SH3BP4: variants seen among roughly 807,000 people sequenced by gnomAD.
SH3BP4 encodes SH3 domain-binding protein 4.
SH3BP4 carries 33 observed loss-of-function variants against 65.5 expected under a neutral mutation model. The ratio of observed to expected loss-of-function variants is 0.50; its 90% CI spans 0.38 to 0.67. SH3BP4 has a LOEUF of 0.67. Ranked by LOEUF, SH3BP4 falls within the 30% of genes least tolerant of loss-of-function variation. The pLI is 0.00. For synonymous variants in SH3BP4, 552 were observed against 545.5 expected, an observed-to-expected ratio of 1.01 and a Z score of -0.17; for missense variants, 1,134 against 1,261.4, an observed-to-expected ratio of 0.90 and a Z score of 1.53.
chr2:234,994,109 A>G (rs1291293942), intron 1 of SH3BP4, among the ~76,000 whole-genome samples: 2 of 152,044 alleles, frequency 1.3e-5, no homozygotes, highest in African/African-American at 2.4e-5. Context: ...CAGATTTTCT[A>G]TTACCTATTG....
chr2:235,038,919 GAT>G (rs759175291), intron 3 of SH3BP4, among the ~76,000 whole-genome samples: 6 of 152,178 alleles, frequency 3.9e-5, no homozygotes, highest in Non-Finnish European at 5.9e-5. Flanking sequence ...TATGGAAAAA[GAT>G]AACATTGGGG....
At chr2:234,953,718 C>T (rs1416145653) in intron 1 of SH3BP4, among the ~76,000 whole-genome samples, 1 of 152,168 alleles carries the variant, frequency 6.6e-6, no homozygotes, top group Non-Finnish European at 1.5e-5. Context: ...TTCCTCATTG[C>T]AGTGGTCATG....
Position 234,978,427 on chromosome 2 carries a change from AG to A in SH3BP4, c.-206-16874del, listed in dbSNP as rs1693240287. 6.6e-6 allele frequency among the ~76,000 whole-genome samples: 1 copy of A among 152,222 alleles called. No individual in the cohort carries two copies. Among genetic ancestry groups the A allele is most frequent in the Admixed American group, 6.5e-5 (1 of 15,286 alleles). On this transcript the variant is annotated intron_variant, in intron 1 of 5. Coordinates refer to ENST00000392011, the MANE Select transcript of SH3BP4 (RefSeq NM_014521.3). This position sits in a 1 kb window ranked among gnomAD's most constrained non-coding sequence, Gnocchi z 4.1. ...TCCTCACTGCAGTCACTGCGGGACC[AG>A]GTACTCTTTTCCTGCGCCCCACACT...
chr2:235,033,048 C>CG lies in SH3BP4; in HGVS notation c.-132-1821dup, dbSNP rs1189098560. Among the ~76,000 whole-genome samples, 2 of 152,142 alleles carry CG rather than the reference C, an allele frequency of 1.3e-5. No individual in the cohort carries two copies. Among genetic ancestry groups the CG allele is most frequent in the African/African-American group, 4.8e-5 (2 of 41,446 alleles). On this transcript the variant is annotated intron_variant, in intron 2 of 5. Coordinates refer to ENST00000392011, the MANE Select transcript of SH3BP4 (RefSeq NM_014521.3). The surrounding 1 kb of genome is among the most constrained non-coding windows in gnomAD (Gnocchi z 5.7). ...TCCTTACACTGCTGGGTAGGAGAGA[C>CG]GGCGGGGCTGGGCTCAGGTAGGTGT...
At chr2:234,982,503 C>G (rs751810684) in intron 1 of SH3BP4, among the ~76,000 whole-genome samples, 7 of 152,088 alleles carry the variant, frequency 4.6e-5, no homozygotes, top group Non-Finnish European at 8.8e-5. Flanking sequence ...CATCTTCTTC[C>G]CTGGGGAGCA....
At chr2:235,047,432 C>T (rs1398372249) in intron 4 of SH3BP4, among the ~76,000 whole-genome samples, 3 of 152,184 alleles carry the variant, frequency 2.0e-5, no homozygotes, top group Admixed American at 6.5e-5. Flanking sequence ...ACTGCGTGGT[C>T]GGTGGGCTCC....
chr2:234,990,913 A>AC (rs898993210), intron 1 of SH3BP4, among the ~76,000 whole-genome samples: 16 of 151,444 alleles, frequency 1.1e-4, no homozygotes, highest in Non-Finnish European at 1.9e-4. Context: ...TAGAAGCCTC[A>AC]CCCCCCATCT....
At position 235,038,292 on chromosome 2, in the gene SH3BP4, A is replaced by ATATAGTATATATAC. The variant is rs1695472520; in HGVS notation, c.119-2592_119-2591insGTATATATACTATA. On this transcript the variant is annotated intron_variant, in intron 3 of 5. Coordinates refer to ENST00000392011, the MANE Select transcript of SH3BP4 (RefSeq NM_014521.3). ...ATATATAATATATATTATATATAAT[A>ATATAGTATATATAC]TATATATTATATATATATATTATAT... Among the ~76,000 whole-genome samples, 27 of 11,906 alleles carry ATATAGTATATATAC rather than the reference A, an allele frequency of 2.3e-3. 1 individual carries two copies. The East Asian group carries it at 0.12, about 55-fold the overall frequency. The allele number at this position is 11,906 out of a possible 152,430, so 7.8% of individuals were successfully genotyped here.
intron 2 of SH3BP4, among the ~76,000 whole-genome samples, chr2:235,027,953 G>A (rs971665947): frequency 6.6e-6 from 1 of 152,192 alleles, no homozygotes; most frequent in African/African-American, 2.4e-5. Context: ...GAGTCTATGC[G>A]TGGCGTGACA....
Position 234,997,591 on chromosome 2 carries a change from G to T in SH3BP4, c.-133+2215G>T, listed in dbSNP as rs1157022900. On this transcript the variant is annotated intron_variant, in intron 2 of 5. Coordinates refer to ENST00000392011, the MANE Select transcript of SH3BP4 (RefSeq NM_014521.3). This position sits in a 1 kb window ranked among gnomAD's most constrained non-coding sequence, Gnocchi z 4.2. ...TTGCTCCTCCGGGGAGTGTCAGCTA[G>T]GGGACGGAGCCGGTGCGGAGATCGA... Among the ~76,000 whole-genome samples the T allele has an allele frequency of 6.6e-6, 1 of 152,174 alleles. No individual in the cohort carries two copies. The highest frequency in any genetic ancestry group is 1.5e-5 in the Non-Finnish European group (1 of 68,034).
intron 4 of SH3BP4, among the ~76,000 whole-genome samples, chr2:235,043,804 T>A (rs1195470179): frequency 6.6e-6 from 1 of 152,260 alleles, no homozygotes; most frequent in Non-Finnish European, 1.5e-5. Flanking sequence ...GTGGCTGATG[T>A]CCCGCTGCCT....
intron 3 of SH3BP4, among the ~76,000 whole-genome samples, chr2:235,040,210 G>T (rs1695588039): frequency 6.6e-6 from 1 of 152,066 alleles, no homozygotes; most frequent in African/African-American, 2.4e-5. Flanking sequence ...ATGCCAGCCT[G>T]GGTGGCGGAG....
At position 235,003,340 on chromosome 2, in the gene SH3BP4, G is replaced by T. The variant is rs7583455; in HGVS notation, c.-133+7964G>T. 7.9e-5 allele frequency among the ~76,000 whole-genome samples: 12 copies of T among 152,224 alleles called. No individual in the cohort carries two copies. In the East Asian group the frequency reaches 2.1e-3, roughly 27 times the overall value. On this transcript the variant is annotated intron_variant, in intron 2 of 5. Transcript: ENST00000392011. ...TGGGGTGGACTTAGATCCTACAAAC[G>T]CAGGCCACTGAGGCCAGGGTACCAA...
chr2:234,992,006 A>G lies in SH3BP4; in HGVS notation c.-206-3297A>G, dbSNP rs75102315. 1.6e-3 allele frequency among the ~76,000 whole-genome samples: 245 copies of G among 152,364 alleles called. 1 individual carries two copies. The highest frequency in any genetic ancestry group is 5.7e-3 in the African/African-American group (237 of 41,586). On this transcript the variant is annotated intron_variant, in intron 1 of 5. Transcript: ENST00000392011. ...CAGGGAGCCTGCCGGGCTCAGCTTC[A>G]GGACCACAAGGCTGTTAAGTAAAGA...
intron 1 of SH3BP4, among the ~76,000 whole-genome samples, chr2:234,982,391 C>G (rs1219540050): frequency 1.3e-5 from 2 of 152,036 alleles, no homozygotes; most frequent in African/African-American, 4.8e-5. Flanking sequence ...ATGGAGAGGC[C>G]GGAGGGTTAC....
chr2:235,048,175 A>G (rs1156349677), intron 4 of SH3BP4, among the ~76,000 whole-genome samples: 1 of 152,018 alleles, frequency 6.6e-6, no homozygotes, highest in East Asian at 1.9e-4. Flanking sequence ...TGTGGCTGTT[A>G]ATGTGGGAGA....
chr2:235,011,921 G>A (rs1694521530), intron 2 of SH3BP4, among the ~76,000 whole-genome samples: 1 of 152,200 alleles, frequency 6.6e-6, no homozygotes, highest in Admixed American at 6.5e-5. Context: ...GGCTCTGGGT[G>A]GGGGATGGGA....
intron 1 of SH3BP4, among the ~76,000 whole-genome samples, chr2:234,992,852 C>T (rs1490031105): frequency 6.7e-6 from 1 of 149,934 alleles, no homozygotes; most frequent in African/African-American, 2.5e-5. Context: ...TGCCGTGTGG[C>T]TCTGGGTCTG....
At chr2:234,981,754 T>C (rs1296646813) in intron 1 of SH3BP4, 2 of 152,174 alleles carry the variant, frequency 1.3e-5, no homozygotes, top group Non-Finnish European at 2.9e-5. Flanking sequence ...GGGATCTTTG[T>C]TGTGGGAGTG....
Sources: allele counts gnomAD v4.1 joint callset (sites outside exome capture counted in the v4.1 genomes callset), GRCh38; gene constraint gnomAD v4.1.1; non-coding constraint Gnocchi (gnomAD v3.1); transcripts MANE v1.5; gene names NCBI Gene and HGNC (gene_info 2026-07-23, HGNC 2026-07-21).